Variants in ANO2 observed in about 807,000 individuals in gnomAD.
The protein encoded by ANO2 is anoctamin-2.
ANO2 carries 101 observed loss-of-function variants against 124.2 expected under a neutral mutation model. The observed-to-expected ratio is 0.81, with a 90% CI of 0.69 to 0.96. The LOEUF (loss-of-function observed/expected upper bound fraction) is 0.96, where lower values mean the gene tolerates loss of function less well. Ranked by LOEUF, ANO2 falls within the 40% of genes least tolerant of loss-of-function variation. ANO2 has a pLI of 0.00. For missense variants in ANO2, 1,293 were observed against 1,274.5 expected (o/e 1.01, Z -0.22); for synonymous variants, 486 against 482.5 (o/e 1.01, Z -0.09).
At position 5,787,416 on chromosome 12, in the gene ANO2, T is replaced by A. The variant is rs182688752; in HGVS notation, c.1055+12091A>T. ...CCGCTACAGAGCTGAAGCTCCAGCA[T>A]CCCAGTGCCTTCCCCCAGCAGTGGG... On this transcript the variant is annotated intron_variant, in intron 10 of 24. Transcript: ENST00000682330. This position sits in a 1 kb window ranked among gnomAD's most constrained non-coding sequence, Gnocchi z 4.2. Among the ~76,000 whole-genome samples, 1 of 152,292 alleles carries A rather than the reference T, an allele frequency of 6.6e-6. No homozygotes were observed. The highest frequency in any genetic ancestry group is 6.5e-5 in the Admixed American group (1 of 15,302).
intron 1 of ANO2, among the ~76,000 whole-genome samples, chr12:5,926,968 A>G (rs1218113793): frequency 1.3e-5 from 2 of 152,232 alleles, no homozygotes; most frequent in South Asian, 2.1e-4. Context: ...AAAGATTAAC[A>G]TTCCTTGGAA....
rs114003071 is a variant in ANO2 at position 5,816,032 on chromosome 12, T to C, written c.893-8664A>G. On this transcript the variant is annotated intron_variant, in intron 7 of 24. Coordinates refer to ENST00000682330, the MANE Select transcript of ANO2 (RefSeq NM_001364791.2). Reference sequence around the variant, plus strand: ...AAATTGGGTACAATGGGAAAGAGAATTAGCTTTGTAAGTTGGTTGCAAAAG... The same window carrying C: ...AAATTGGGTACAATGGGAAAGAGAACTAGCTTTGTAAGTTGGTTGCAAAAG... Among the ~76,000 whole-genome samples the C allele has an allele frequency of 1.4e-3, 208 of 152,232 alleles. 1 individual carries two copies. The highest frequency in any genetic ancestry group is 4.8e-3 in the African/African-American group (198 of 41,546).
At chr12:5,694,729 CTTTG>C (rs1949097491) in intron 14 of ANO2, among the ~76,000 whole-genome samples, 1 of 152,068 alleles carries the variant, frequency 6.6e-6, no homozygotes, top group South Asian at 2.1e-4. Context: ...TTCTGGTTTT[CTTTG>C]TTTTGTTTGT....
chr12:5,737,914 C>T (rs1950940214), intron 13 of ANO2, among the ~76,000 whole-genome samples: 1 of 152,194 alleles, frequency 6.6e-6, no homozygotes, highest in African/African-American at 2.4e-5. Flanking sequence ...TATATTCTCT[C>T]TTTCACCACA....
intron 20 of ANO2, among the ~76,000 whole-genome samples, chr12:5,594,536 T>C (rs1191610143): frequency 1.3e-5 from 2 of 152,182 alleles, no homozygotes; most frequent in African/African-American, 4.8e-5. Context: ...TTGCTTTTCC[T>C]TGTCAACAGT....
At chr12:5,679,721 CA>C (rs749669549) in intron 14 of ANO2, among the ~76,000 whole-genome samples, 10 of 152,180 alleles carry the variant, frequency 6.6e-5, no homozygotes, top group Admixed American at 3.9e-4. Context: ...TTGTGGAAGA[CA>C]GCGTGGTGAT....
intron 14 of ANO2, among the ~76,000 whole-genome samples, chr12:5,686,136 CG>C: frequency 6.6e-6 from 1 of 152,146 alleles, no homozygotes; most frequent in Non-Finnish European, 1.5e-5. Context: ...GGGTAGCTCT[CG>C]AGAACAGTAA....
chr12:5,854,010 G>A, intron 4 of ANO2, 33 bp downstream of exon 4: 1 of 1,589,298 alleles, frequency 6.3e-7, no homozygotes, highest in Non-Finnish European at 8.6e-7. Context: ...CAGCCCTCAG[G>A]AGGCCCAGAA....
At position 5,769,903 on chromosome 12, in the gene ANO2, T is replaced by C. The variant is rs1042206441; in HGVS notation, c.1056-18933A>G. On this transcript the variant is annotated intron_variant, in intron 10 of 24. Coordinates refer to ENST00000682330, the MANE Select transcript of ANO2 (RefSeq NM_001364791.2). This position sits in a 1 kb window ranked among gnomAD's most constrained non-coding sequence, Gnocchi z 4.0. ...AAAGCGTGGAGAGCAGTGTGGTCTA[T>C]GTTTGAGCCTCCACTAACCCCTCGG... 6.6e-6 allele frequency among the ~76,000 whole-genome samples: 1 copy of C among 152,218 alleles called. No homozygotes were observed. The highest frequency in any genetic ancestry group is 2.4e-5 in the African/African-American group (1 of 41,452).
At chr12:5,679,262 G>T (rs542540342) in intron 14 of ANO2, among the ~76,000 whole-genome samples, 2 of 152,094 alleles carry the variant, frequency 1.3e-5, no homozygotes, top group African/African-American at 4.8e-5. Context: ...AAAAGCAATC[G>T]CAACAAAAGC....
At chr12:5,638,889 CAA>C (rs1333791768) in intron 15 of ANO2, among the ~76,000 whole-genome samples, 2 of 152,118 alleles carry the variant, frequency 1.3e-5, no homozygotes, top group East Asian at 1.9e-4. Context: ...TACTTGACGC[CAA>C]GAGAGAGACA....
intron 1 of ANO2, among the ~76,000 whole-genome samples, chr12:5,931,210 G>A (rs143551530): frequency 2.8e-4 from 43 of 152,046 alleles, no homozygotes; most frequent in African/African-American, 8.7e-4. Context: ...GCACCTACCC[G>A]TCTGGACCAC....
chr12:5,923,196 GCACGCACACACACC>G (rs1941883513), intron 1 of ANO2, among the ~76,000 whole-genome samples: 1 of 34,296 alleles, frequency 2.9e-5, no homozygotes. Flanking sequence ...ACACACACAC[GCACGCACACACACC>G]CACATACACA....
rs145450977 is a variant in ANO2, at chr12:5,812,010, T to C, written c.893-4642A>G. 8.6e-3 allele frequency among the ~76,000 whole-genome samples: 1,289 copies of C among 150,630 alleles called. 18 individuals carry two copies. The highest frequency in any genetic ancestry group is 0.029 in the African/African-American group (1,169 of 40,824). ...CTCCTGCTTTGCCATTTTATACTAA[T>C]TTTAAACACCACCCCCCAAAAGAGA... On this transcript the variant is annotated intron_variant, in intron 7 of 24. Transcript: ENST00000682330.
chr12:5,729,713 T>G (rs75378804), intron 14 of ANO2, among the ~76,000 whole-genome samples: 17,417 of 148,508 alleles, frequency 0.12, 1,087 homozygotes, highest in Middle Eastern at 0.16. Flanking sequence ...TGTACCCAAA[T>G]GTCCATTGCA....
chr12:5,640,312 T>A (rs559727583), intron 15 of ANO2, among the ~76,000 whole-genome samples: 27 of 152,296 alleles, frequency 1.8e-4, no homozygotes, highest in Middle Eastern at 3.4e-3. Context: ...GTCTTTGGCT[T>A]ACCCGAACTT....
chr12:5,754,861 A>G (rs1951531494), intron 10 of ANO2, among the ~76,000 whole-genome samples: 1 of 151,980 alleles, frequency 6.6e-6, no homozygotes. Flanking sequence ...ACAAACTCTT[A>G]GCTTCATCAA....
intron 23 of ANO2, among the ~76,000 whole-genome samples, chr12:5,568,323 A>C (rs1316721319): frequency 6.6e-6 from 1 of 151,836 alleles, no homozygotes; most frequent in Non-Finnish European, 1.5e-5. Context: ...TTGTATTTTT[A>C]GTAGAGACGT....
At chr12:5,939,453 A>G (rs7974314) in intron 1 of ANO2, among the ~76,000 whole-genome samples, 14,813 of 152,078 alleles carry the variant, frequency 0.097, 1,157 homozygotes, top group African/African-American at 0.21. Context: ...TCCATCCTCC[A>G]TCCCTGCCTT....
Sources: gnomAD v4.1 joint callset for allele counts (sites outside exome capture counted in the v4.1 genomes callset) on GRCh38, gnomAD v4.1.1 for gene constraint, Gnocchi (gnomAD v3.1) non-coding constraint, MANE v1.5 for transcripts, NCBI Gene and HGNC (gene_info 2026-07-23, HGNC 2026-07-21) for gene names.